PLGRKT: variants seen among roughly 807,000 people sequenced by gnomAD.
The protein encoded by PLGRKT is plasminogen receptor (KT).
Under a neutral mutation model 18.5 loss-of-function variants are expected in PLGRKT, and 22 were observed. The ratio of observed to expected loss-of-function variants is 1.19; its 90% CI spans 0.85 to 1.70. The LOEUF is 1.70. PLGRKT is among the 40% of genes most tolerant of loss of function. The pLI is 0.00. For synonymous variants in PLGRKT, 72 were observed against 52.8 expected, an observed-to-expected ratio of 1.36 and a Z score of -1.58; for missense variants, 235 against 174.4, an observed-to-expected ratio of 1.35 and a Z score of -1.96.
At chr9:5,402,327 C>A (rs554313676) in intron 3 of PLGRKT, among the ~76,000 whole-genome samples, 3 of 151,736 alleles carry the variant, frequency 2.0e-5, no homozygotes, top group Non-Finnish European at 4.4e-5. Flanking sequence ...GAAAAGGCAC[C>A]CAGGGGCTGA....
intron 3 of PLGRKT, among the ~76,000 whole-genome samples, chr9:5,383,287 A>G (rs1285482005): frequency 6.6e-6 from 1 of 152,150 alleles, no homozygotes; most frequent in Non-Finnish European, 1.5e-5. Context: ...TGGCCTCCAG[A>G]ACTGTGAAAT....
intron 3 of PLGRKT, among the ~76,000 whole-genome samples, chr9:5,388,207 G>A (rs1000375833): frequency 2.6e-5 from 4 of 151,856 alleles, no homozygotes; most frequent in African/African-American, 9.7e-5. Flanking sequence ...TCAGGAAGAA[G>A]AGGAGGCAAA....
intron 3 of PLGRKT, among the ~76,000 whole-genome samples, chr9:5,420,198 GAGTGGTTGCAGAAAGCATATT>G (rs1818548122): frequency 6.6e-6 from 1 of 152,244 alleles, no homozygotes; most frequent in East Asian, 1.9e-4. Flanking sequence ...GAAAGCAGAT[GAGTGGTTGCAGAAAGCATATT>G]AGTGGTTGCA....
rs571765606 is a variant in PLGRKT at position 5,395,216 on chromosome 9, G to T, written c.82-33328C>A. ...CAAGAGAAGTATTCGACAACTAGTG[G>T]TAGTTAAGTTCATGCACAAATACAT... is the stretch of plus-strand genomic sequence containing the variant. On this transcript the variant is annotated intron_variant, in intron 3 of 5. Transcript: ENST00000223864. 3.8e-4 allele frequency among the ~76,000 whole-genome samples: 58 copies of T among 151,958 alleles called. 1 individual carries two copies. Among genetic ancestry groups the T allele is most frequent in the African/African-American group, 1.4e-3 (57 of 41,268 alleles).
At chr9:5,367,471 C>T (rs940911355) in intron 3 of PLGRKT, among the ~76,000 whole-genome samples, 1 of 151,980 alleles carries the variant, frequency 6.6e-6, no homozygotes, top group African/African-American at 2.4e-5. Flanking sequence ...ACAAAGCTGA[C>T]AAAAATAAGC....
chr9:5,409,118 G>A (rs540763511), intron 3 of PLGRKT, among the ~76,000 whole-genome samples: 22 of 152,344 alleles, frequency 1.4e-4, no homozygotes, highest in African/African-American at 5.3e-4. Context: ...GGGGAAATAT[G>A]GGGTTGAAGC....
rs925882166 is a variant in PLGRKT at position 5,358,152 on chromosome 9, T to C, written c.*87A>G. 1.5e-5 allele frequency: 14 copies of C among 915,182 alleles called. No individual in the cohort carries two copies. In the Admixed American group the frequency reaches 2.1e-4, roughly 14 times the overall value. 56.7% of individuals were successfully genotyped at this position (915,182 alleles called of 1,614,324 possible). A position where few individuals can be genotyped will look rare whatever the true frequency, so the allele number is the denominator to read the frequency against. On this transcript the variant is annotated 3_prime_UTR_variant, in exon 6 of 6. Coordinates refer to ENST00000223864, the MANE Select transcript of PLGRKT (RefSeq NM_018465.4). ...ATATTTTAAAATAAAATCTATAATATCAAAATCTTGAGCATTTAAAAAACT... is the reference window on the plus strand; with the variant it reads ...ATATTTTAAAATAAAATCTATAATACCAAAATCTTGAGCATTTAAAAAACT...
At position 5,418,725 on chromosome 9, in the gene PLGRKT, C is replaced by T. The variant is rs1586739016; in HGVS notation, c.81+13172G>A. 23 of 671,440 alleles carry T rather than the reference C, an allele frequency of 3.4e-5. No homozygotes were observed. Among genetic ancestry groups the T allele is most frequent in the East Asian group, 2.2e-4 (8 of 35,898 alleles). 41.6% of individuals were successfully genotyped at this position (671,440 alleles called of 1,614,324 possible). ...GTCTGATGAAGACCGGCATGTGCTC[C>T]GAAGCGTGTGGAATGGTGATGACAG... On this transcript the variant is annotated intron_variant, in intron 3 of 5. Transcript: ENST00000223864. The surrounding 1 kb of genome is among the most constrained non-coding windows in gnomAD (Gnocchi z 4.2).
At chr9:5,401,345 T>A (rs1380828152) in intron 3 of PLGRKT, among the ~76,000 whole-genome samples, 2 of 151,996 alleles carry the variant, frequency 1.3e-5, no homozygotes, top group Non-Finnish European at 2.9e-5. Flanking sequence ...CTGCATTAAT[T>A]TGTTCACATT....
chr9:5,381,303 G>A (rs1474338274), intron 3 of PLGRKT, among the ~76,000 whole-genome samples: 2 of 152,240 alleles, frequency 1.3e-5, no homozygotes, highest in Non-Finnish European at 2.9e-5. Flanking sequence ...TCACGGGCCA[G>A]GCCCAGTGCC....
In PLGRKT at chr9:5,418,519, T is replaced by C. The variant is rs1586738823; in HGVS notation, c.81+13378A>G. 9.9e-6 allele frequency: 10 copies of C among 1,013,136 alleles called. No individual in the cohort carries two copies. In the East Asian group the frequency reaches 2.3e-4, roughly 24 times the overall value. The allele number at this position is 1,013,136 out of a possible 1,614,324, so 62.8% of individuals were successfully genotyped here. A position where few individuals can be genotyped will look rare whatever the true frequency, so the allele number is the denominator to read the frequency against. On this transcript the variant is annotated intron_variant, in intron 3 of 5. Coordinates refer to ENST00000223864, the MANE Select transcript of PLGRKT (RefSeq NM_018465.4). The surrounding 1 kb of genome is among the most constrained non-coding windows in gnomAD (Gnocchi z 4.2). Reference sequence around the variant, plus strand: ...TTTCACCATGCCCCGCCTGTCCTGCTCCTCCTCCGCCACCCCCTGGGGAGC... The same window carrying C: ...TTTCACCATGCCCCGCCTGTCCTGCCCCTCCTCCGCCACCCCCTGGGGAGC...
chr9:5,399,989 C>CA (rs1818126286), intron 3 of PLGRKT, among the ~76,000 whole-genome samples: 1 of 150,114 alleles, frequency 6.7e-6, no homozygotes, highest in Middle Eastern at 3.4e-3. Flanking sequence ...GACTCTGTCT[C>CA]AAAAAAAATA....
At chr9:5,380,342 C>T (rs1462891530) in intron 3 of PLGRKT, among the ~76,000 whole-genome samples, 2 of 147,776 alleles carry the variant, frequency 1.4e-5, no homozygotes, top group African/African-American at 2.5e-5. Context: ...ACTCCAGCCT[C>T]GGCCAAACAG....
chr9:5,431,937 T>C lies in PLGRKT; in HGVS notation c.41A>G (p.Lys14Arg). The C allele has an allele frequency of 6.4e-7, 1 of 1,552,388 alleles. No homozygotes were observed. Among genetic ancestry groups the C allele is most frequent in the Non-Finnish European group, 8.9e-7 (1 of 1,125,060 alleles). Residue 14 changes from lysine to arginine, a missense_variant, in exon 3 of 6, where the codon AAA (lysine) becomes AGA (arginine). Lys to Arg is a conservative substitution (Grantham distance 26). Coordinates refer to ENST00000223864, the MANE Select transcript of PLGRKT (RefSeq NM_018465.4). ...IFSKSMNESM[K>R]NQKEFMLMNA... ...CATAAGCATGAACTCCTTTTGATTT[T>C]TCATGCTTTCATTCATAGATTTTGA...
chr9:5,421,557 G>A (rs1265854673), intron 3 of PLGRKT, among the ~76,000 whole-genome samples: 1 of 152,124 alleles, frequency 6.6e-6, no homozygotes, highest in Non-Finnish European at 1.5e-5. Context: ...TATAGAGCAG[G>A]GGCTCCTCAA....
At chr9:5,397,893 G>A (rs538991951) in intron 3 of PLGRKT, among the ~76,000 whole-genome samples, 7 of 151,956 alleles carry the variant, frequency 4.6e-5, no homozygotes, top group Non-Finnish European at 1.0e-4. Flanking sequence ...TGAGAACGAT[G>A]GTCACTTTCT....
At chr9:5,429,722 C>A (rs1168771389) in intron 3 of PLGRKT, among the ~76,000 whole-genome samples, 1 of 152,192 alleles carries the variant, frequency 6.6e-6, no homozygotes, top group Non-Finnish European at 1.5e-5. Context: ...TATCTCCAAA[C>A]AAGATCACAT....
chr9:5,358,443 C>T (rs1330758985), intron 5 of PLGRKT, 83 bp from the exon 6 acceptor site: 1 of 1,205,320 alleles, frequency 8.3e-7, no homozygotes, highest in African/African-American at 1.5e-5. Context: ...TATTCCTTGA[C>T]AGGCTCTAAC....
At chr9:5,412,555 C>A (rs766971871) in intron 3 of PLGRKT, among the ~76,000 whole-genome samples, 3 of 152,184 alleles carry the variant, frequency 2.0e-5, no homozygotes, top group Non-Finnish European at 4.4e-5. Context: ...CCGCCATGTC[C>A]TGATGCAGAA....
Sources: gnomAD v4.1 joint callset for allele counts (sites outside exome capture counted in the v4.1 genomes callset) on GRCh38, gnomAD v4.1.1 for gene constraint, Gnocchi (gnomAD v3.1) non-coding constraint, MANE v1.5 for transcripts, NCBI Gene and HGNC (gene_info 2026-07-23, HGNC 2026-07-21) for gene names.